Variants in STK40 observed in about 807,000 individuals in gnomAD.
STK40 encodes the protein serine/threonine kinase 40, also known as serine/threonine-protein kinase 40.
STK40 carries 13 observed loss-of-function variants against 47.9 expected under a neutral mutation model. That is an observed-to-expected ratio of 0.27 (90% CI 0.18 to 0.43). The LOEUF is 0.43. Ranked by LOEUF, STK40 falls within the 20% of genes least tolerant of loss-of-function variation. The pLI, the probability that STK40 is intolerant of heterozygous loss-of-function variation, is 1.00. For synonymous variants in STK40, 225 were observed against 243.2 expected, an observed-to-expected ratio of 0.93 and a Z score of 0.69; for missense variants, 460 against 595.1, an observed-to-expected ratio of 0.77 and a Z score of 2.36.
chr1:36,384,847 T>C (rs964498021), intron 1 of STK40, among the ~76,000 whole-genome samples: 1 of 152,186 alleles, frequency 6.6e-6, no homozygotes, highest in African/African-American at 2.4e-5. Context: ...CTCTTCCTTA[T>C]CTCACGCAAA....
rs1291503935 is a variant in STK40 at position 36,344,262 on chromosome 1, G to A, written c.742C>T (p.Arg248Trp). The change falls in exon 8 of 11, where the codon CGG (arginine) becomes TGG (tryptophan). Residue 248 changes from arginine to tryptophan, a missense_variant and splice_region_variant. Around this residue, in one of 3 missense-constraint regions of STK40, gnomAD observed 277 missense variants for 358.7 expected, o/e 0.77. Coordinates refer to ENST00000373132, the MANE Select transcript of STK40 (RefSeq NM_001282547.2). ...TCACTGGGCTTGCCACGGTACGGCC[G>A]GCCTACGGGCACACACATACCACAC... ...AYISPDVLSG[R>W]PYRGKPSDMW... The A allele has an allele frequency of 8.8e-6, 14 of 1,596,686 alleles. No homozygotes were observed. The highest frequency in any genetic ancestry group is 1.1e-5 in the Non-Finnish European group (13 of 1,171,912).
At chr1:36,343,340 G>A in intron 10 of STK40, 24 bp downstream of exon 10, 2 of 1,605,136 alleles carry the variant, frequency 1.2e-6, no homozygotes, top group South Asian at 1.1e-5. Context: ...CTGGGTAATG[G>A]CCCATCTGCC....
intron 7 of STK40, among the ~76,000 whole-genome samples, chr1:36,345,535 G>A (rs6669269): frequency 0.024 from 3,653 of 152,188 alleles, 144 homozygotes; most frequent in African/African-American, 0.083. Flanking sequence ...TCTTTCCAGC[G>A]CCCGGTGCCA....
chr1:36,377,327 G>A (rs974429204), intron 1 of STK40, among the ~76,000 whole-genome samples: 5 of 151,584 alleles, frequency 3.3e-5, no homozygotes, highest in Non-Finnish European at 5.9e-5. Context: ...GAGGTCAGGA[G>A]TTCAAGACCA....
rs1448754732 is a variant in STK40, at chr1:36,348,703, T to C, written c.736A>G (p.Ser246Gly). ...AATGTCTGGCACACACACGTACCGCTGAGCACGTCGGGACTGATGTAGGCA... is the reference window on the plus strand; with the variant it reads ...AATGTCTGGCACACACACGTACCGCCGAGCACGTCGGGACTGATGTAGGCA... ...SPAYISPDVL[S>G]GRPYRGKPSD... is the part of the protein sequence containing the mutation. The change falls in exon 7 of 11, where the codon AGC becomes GGC. Residue 246 changes from serine (S) to glycine (G), a missense_variant. This residue lies in a region of STK40 where 277 missense variants were observed against 358.7 expected (regional missense o/e 0.77). Coordinates refer to ENST00000373132, the MANE Select transcript of STK40 (RefSeq NM_001282547.2). 9 of 1,605,282 alleles carry C rather than the reference T, an allele frequency of 5.6e-6. No individual in the cohort carries two copies. Among genetic ancestry groups the C allele is most frequent in the South Asian group, 5.6e-5 (5 of 89,436 alleles).
intron 4 of STK40, 117 bp from the exon 5 acceptor site, chr1:36,355,550 C>A (rs1159367411): frequency 4.5e-6 from 5 of 1,121,610 alleles, no homozygotes; most frequent in East Asian, 2.4e-5. Context: ...CTGGAATTAG[C>A]CTGCATGTGC....
intron 7 of STK40, among the ~76,000 whole-genome samples, chr1:36,345,249 C>T (rs1015671217): frequency 6.6e-6 from 1 of 152,234 alleles, no homozygotes; most frequent in African/African-American, 2.4e-5. Context: ...GTGGAAGAGA[C>T]GCTGCCAGGC....
chr1:36,384,694 A>C (rs921289696), intron 1 of STK40, among the ~76,000 whole-genome samples: 1 of 152,236 alleles, frequency 6.6e-6, no homozygotes, highest in African/African-American at 2.4e-5. Flanking sequence ...TGGTCATGTG[A>C]GAAATGAATG....
chr1:36,383,575 C>T (rs906766215), intron 1 of STK40, among the ~76,000 whole-genome samples: 2 of 152,218 alleles, frequency 1.3e-5, no homozygotes, highest in Non-Finnish European at 1.5e-5. Flanking sequence ...GCCCTTCAGT[C>T]GCTCCTGTCC....
At position 36,358,338 on chromosome 1, in the gene STK40, C is replaced by T. The variant is rs1409662607; in HGVS notation, c.243G>A (p.Gln81=). 3 of 1,609,968 alleles carry T rather than the reference C, an allele frequency of 1.9e-6. No homozygotes were observed. Among genetic ancestry groups the T allele is most frequent in the Non-Finnish European group, 2.5e-6 (3 of 1,176,566 alleles). ...GCAGCATCTTGCCCTGCCGCTCTTCCTGGCTCTCTATGCCTTGGTCCCCCC... is the reference window on the plus strand; with the variant it reads ...GCAGCATCTTGCCCTGCCGCTCTTCTTGGCTCTCTATGCCTTGGTCCCCCC... The part of the protein sequence containing the change: ...EERGDQGIES[Q]EERQGKMLLH... Residue 81 remains glutamine (Q), a synonymous_variant, in exon 4 of 11, where the codon CAG becomes CAA. Transcript: ENST00000373132.
chr1:36,344,061 C>G, intron 8 of STK40, 59 bp downstream of exon 8: 2 of 1,590,150 alleles, frequency 1.3e-6, no homozygotes, highest in Middle Eastern at 1.7e-4. Flanking sequence ...TGTGCCGTTT[C>G]CCTGCCTTAA....
chr1:36,373,599 T>C (rs537769935), intron 1 of STK40, among the ~76,000 whole-genome samples: 1 of 152,276 alleles, frequency 6.6e-6, no homozygotes, highest in Non-Finnish European at 1.5e-5. Context: ...TCAGGACAGA[T>C]GCTGACAGGC....
At chr1:36,352,912 G>C (rs936168901) in intron 6 of STK40, among the ~76,000 whole-genome samples, 1 of 152,234 alleles carries the variant, frequency 6.6e-6, no homozygotes, top group Non-Finnish European at 1.5e-5. Flanking sequence ...CTTAGCAGCT[G>C]AGGTGCACAG....
chr1:36,359,780 C>A (rs181629401), intron 2 of STK40, among the ~76,000 whole-genome samples: 5 of 152,328 alleles, frequency 3.3e-5, no homozygotes, highest in Non-Finnish European at 7.4e-5. Flanking sequence ...TGATTCAGTT[C>A]CCGCCCACCT....
rs1333852717 is a variant in STK40, at chr1:36,341,740, C to G, written c.*15G>C. The G allele has an allele frequency of 1.2e-6, 2 of 1,607,926 alleles. No individual in the cohort carries two copies. The highest frequency in any genetic ancestry group is 1.7e-5 in the Admixed American group (1 of 59,916). The stretch of plus-strand genomic sequence containing the variant: ...GAAGAAGTGGCAGCAGTGCTGGTGG[C>G]CCCGGCTGAGGCTGTTATTTCCGCA... On this transcript the variant is annotated 3_prime_UTR_variant, in exon 11 of 11. Coordinates refer to ENST00000373132, the MANE Select transcript of STK40 (RefSeq NM_001282547.2).
In STK40 at chr1:36,341,729, A is replaced by G. The variant is rs1459279644; in HGVS notation, c.*26T>C. 6.2e-7 allele frequency: 1 copy of G among 1,605,750 alleles called. No homozygotes were observed. The highest frequency in any genetic ancestry group is 8.5e-7 in the Non-Finnish European group (1 of 1,175,312). On this transcript the variant is annotated 3_prime_UTR_variant, in exon 11 of 11. Transcript: ENST00000373132. ...GGCTGGGGCTGGAAGAAGTGGCAGC[A>G]GTGCTGGTGGCCCCGGCTGAGGCTG...
chr1:36,358,706 T>C, intron 3 of STK40, 31 bp downstream of exon 3: 1 of 1,611,996 alleles, frequency 6.2e-7, no homozygotes, highest in South Asian at 1.1e-5. Flanking sequence ...GCCCTGTTCC[T>C]GAGGCACCCT....
intron 1 of STK40, among the ~76,000 whole-genome samples, chr1:36,375,218 G>A (rs1217230171): frequency 6.6e-6 from 1 of 152,080 alleles, no homozygotes; most frequent in Non-Finnish European, 1.5e-5. Flanking sequence ...GAAATGTTAC[G>A]TTTCCTGGCC....
Position 36,358,873 on chromosome 1 carries a change from G to A in STK40, c.113-51C>T, listed in dbSNP as rs375302115. 22 of 1,602,390 alleles carry A rather than the reference G, an allele frequency of 1.4e-5. No individual in the cohort carries two copies. The African/African-American group carries it at 2.0e-4, about 15-fold the overall frequency. ...ACTTTTCAGAAGCCCTGGCTGTCAC[G>A]ACGCCAGGTCACCACGTGGTCTTTT... On this transcript the variant is annotated intron_variant, in intron 2 of 10. Transcript: ENST00000373132.
Sources: gnomAD v4.1 joint callset for allele counts (sites outside exome capture counted in the v4.1 genomes callset) on GRCh38, gnomAD v4.1.1 for gene constraint, gnomAD v4.1.1 regional missense constraint, MANE v1.5 for transcripts, NCBI Gene and HGNC (gene_info 2026-07-23, HGNC 2026-07-21) for gene names.